The following KCNT1 variants were observed in gnomAD, a reference collection of about 807,000 sequenced individuals.
The protein encoded by KCNT1 is potassium channel subfamily T member 1.
A neutral mutation model predicts 147.8 loss-of-function variants in KCNT1; 78 were observed. The observed-to-expected ratio is 0.53, with a 90% confidence interval of 0.44 to 0.64. The LOEUF (loss-of-function observed/expected upper bound fraction) is 0.64, where lower values mean the gene tolerates loss of function less well. KCNT1 is among the 30% of genes least tolerant of loss of function. KCNT1 has a pLI of 0.00. For missense variants in KCNT1, 1,419 were observed against 1,750.3 expected, an observed-to-expected ratio of 0.81 and a Z score of 3.38; for synonymous variants, 867 against 748.8, an observed-to-expected ratio of 1.16 and a Z score of -2.58.
chr9:135,792,201 C>A lies in KCNT1; in HGVS notation c.*40C>A, dbSNP rs949340605. On this transcript the variant is annotated 3_prime_UTR_variant, in exon 31 of 31. Transcript: ENST00000371757. ...GAGCTCAGGCCACCAAGCCCGGGGT[C>A]CTCAGGAAGGACGTGGAGGAGCGTG... 1.3e-6 allele frequency: 2 copies of A among 1,588,570 alleles called. No homozygotes were observed. Among genetic ancestry groups the A allele is most frequent in the South Asian group, 1.1e-5 (1 of 89,508 alleles).
intron 21 of KCNT1, among the ~76,000 whole-genome samples, chr9:135,778,007 C>T (rs924015061): frequency 7.2e-5 from 11 of 152,152 alleles, no homozygotes; most frequent in South Asian, 2.1e-4. Context: ...CCTGTGGCTC[C>T]CAGCTCCTCC....
intron 2 of KCNT1, among the ~76,000 whole-genome samples, chr9:135,736,321 G>T (rs1588285864): frequency 1.3e-5 from 2 of 152,154 alleles, no homozygotes; most frequent in East Asian, 1.9e-4. Flanking sequence ...GCCGCCCGGG[G>T]TGGGCGCCCA....
In KCNT1 at chr9:135,772,757, C is replaced by T. The variant is rs377506738; in HGVS notation, c.2051C>T (p.Thr684Met). ...CTGCAGGGCACAGAGCACCGGCCTA[C>T]GCAGAGCGGCGGTGGGGGCGGGGGC... is the stretch of plus-strand genomic sequence containing the variant. The part of the protein sequence containing the change: ...MDLQGTEHRP[T>M]QSGGGGGGSK... Residue 684 changes from threonine to methionine, a missense_variant, in exon 19 of 31, where the codon ACG becomes ATG. Thr to Met is a moderately conservative substitution (Grantham distance 81). Around this residue, in one of 5 missense-constraint regions of KCNT1, gnomAD observed 284 missense variants for 292.8 expected, o/e 0.97. Coordinates refer to ENST00000371757, the MANE Select transcript of KCNT1 (RefSeq NM_020822.3). 9.0e-5 allele frequency: 132 copies of T among 1,471,662 alleles called. 1 individual carries two copies. The East Asian group carries it at 2.6e-3, about 29-fold the overall frequency. 91.2% of individuals were successfully genotyped at this position (1,471,662 alleles called of 1,614,324 possible).
At chr9:135,764,060 G>A (rs181135608) in intron 11 of KCNT1, among the ~76,000 whole-genome samples, 16 of 152,294 alleles carry the variant, frequency 1.1e-4, no homozygotes, top group African/African-American at 3.9e-4. Context: ...GAACAAAGCA[G>A]GCGCTGGATA....
At chr9:135,731,977 TATATATATATATATAG>T (rs1195632269) in intron 2 of KCNT1, among the ~76,000 whole-genome samples, 2 of 30,140 alleles carry the variant, frequency 6.6e-5, no homozygotes, top group African/African-American at 1.1e-4. Flanking sequence ...TATATATATA[TATATATATATATATAG>T]AGAGAGAGAG....
intron 29 of KCNT1, chr9:135,788,160 A>G: frequency 1.2e-6 from 2 of 1,612,196 alleles, no homozygotes; most frequent in Non-Finnish European, 1.7e-6. Context: ...GGATATTTGC[A>G]AGGTAATTCT....
chr9:135,791,760 T>C, intron 29 of KCNT1, 37 bp from the exon 30 acceptor site: 1 of 1,584,914 alleles, frequency 6.3e-7, no homozygotes, highest in Non-Finnish European at 8.7e-7. Flanking sequence ...GGGGCAGGGC[T>C]GGGGGGGTGA....
At chr9:135,785,409 C>T in intron 28 of KCNT1, 79 bp downstream of exon 28, 1 of 1,437,334 alleles carries the variant, frequency 7.0e-7, no homozygotes, top group Non-Finnish European at 9.3e-7. Context: ...GCCTGCCAGG[C>T]CCCACCCACC....
intron 1 of KCNT1, among the ~76,000 whole-genome samples, chr9:135,709,959 G>C (rs1835422136): frequency 6.6e-6 from 1 of 152,226 alleles, no homozygotes; most frequent in Non-Finnish European, 1.5e-5. Context: ...GGGATGACAG[G>C]CTTGAGCCAC....
At chr9:135,729,661 T>C (rs750324013) in intron 2 of KCNT1, among the ~76,000 whole-genome samples, 3 of 152,210 alleles carry the variant, frequency 2.0e-5, no homozygotes, top group Non-Finnish European at 2.9e-5. Flanking sequence ...TTCCACCGTC[T>C]GCACGTGTCC....
intron 28 of KCNT1, 61 bp from the exon 29 acceptor site, chr9:135,786,136 A>T: frequency 6.7e-7 from 1 of 1,490,374 alleles, no homozygotes; most frequent in Non-Finnish European, 9.1e-7. Flanking sequence ...CCTGCCCCAA[A>T]GCCCGCGACC....
In KCNT1 at chr9:135,757,365, C is replaced by T. The variant is rs575954363; in HGVS notation, c.743C>T (p.Ala248Val). The T allele has an allele frequency of 1.2e-5, 20 of 1,609,446 alleles. No individual in the cohort carries two copies. The highest frequency in any genetic ancestry group is 4.5e-5 in the East Asian group (2 of 44,802). Residue 248 changes from alanine to valine, a missense_variant, in exon 9 of 31, where the codon GCG (alanine) becomes GTG (valine). By Grantham distance (64) the Ala-to-Val change is moderately conservative. Coordinates refer to ENST00000371757, the MANE Select transcript of KCNT1 (RefSeq NM_020822.3). ...CTGAACTGCTGGCTGGCCAAGCACG[C>T]GCTGGAAAACATGATTGTAAGCCGG... ...VFLNCWLAKH[A>V]LENMINDFHR...
rs751274694 is a variant in KCNT1, at chr9:135,714,613, C to T, written c.147C>T (p.Thr49=). ...PCAGDGALLD[T]AGFKMSDLDS... ...CGGGGGACGGCGCGCTCCTGGACAC[C>T]GCCGGCTTCAAGATGAGCGACCTGG... The change falls in exon 2 of 31, where the codon ACC becomes ACT. Residue 49 remains threonine, a synonymous_variant. Coordinates refer to ENST00000371757, the MANE Select transcript of KCNT1 (RefSeq NM_020822.3). This position sits in a 1 kb window ranked among gnomAD's most constrained non-coding sequence, Gnocchi z 6.2. 21 of 1,448,382 alleles carry T rather than the reference C, an allele frequency of 1.4e-5. No individual in the cohort carries two copies. Among genetic ancestry groups the T allele is most frequent in the Non-Finnish European group, 1.9e-5 (21 of 1,088,014 alleles). 89.7% of individuals were successfully genotyped at this position (1,448,382 alleles called of 1,614,324 possible). A position where few individuals can be genotyped will look rare whatever the true frequency, so the allele number is the denominator to read the frequency against.
Position 135,792,858 on chromosome 9 carries a change from C to T in KCNT1, c.*697C>T, listed in dbSNP as rs1267208942. ...TCTACTTCACACTGAACTGTCCCAG[C>T]CACTGCATCTAGGGGGCATTGGGCG... On this transcript the variant is annotated 3_prime_UTR_variant, in exon 31 of 31. Coordinates refer to ENST00000371757, the MANE Select transcript of KCNT1 (RefSeq NM_020822.3). The T allele has an allele frequency of 6.6e-6, 1 of 152,236 alleles. No homozygotes were observed. Among genetic ancestry groups the T allele is most frequent in the Non-Finnish European group, 1.5e-5 (1 of 68,056 alleles). 9.4% of individuals were successfully genotyped at this position (152,236 alleles called of 1,614,324 possible). A position where few individuals can be genotyped will look rare whatever the true frequency, so the allele number is the denominator to read the frequency against.
intron 2 of KCNT1, among the ~76,000 whole-genome samples, chr9:135,719,623 G>A (rs1226154339): frequency 6.6e-6 from 1 of 152,188 alleles, no homozygotes; most frequent in East Asian, 1.9e-4. Context: ...CGTCAGGGTC[G>A]CCAACACTCC....
In KCNT1 at chr9:135,793,938, T is replaced by TGCCCCGCAGTCACCCC. The variant is rs967272417; in HGVS notation, c.*1789_*1804dup. 2 of 150,484 alleles carry TGCCCCGCAGTCACCCC rather than the reference T, an allele frequency of 1.3e-5. No individual in the cohort carries two copies. The highest frequency in any genetic ancestry group is 2.5e-5 in the African/African-American group (1 of 39,440). The allele number at this position is 150,484 out of a possible 1,614,324, so 9.3% of individuals were successfully genotyped here. On this transcript the variant is annotated 3_prime_UTR_variant, in exon 31 of 31. Coordinates refer to ENST00000371757, the MANE Select transcript of KCNT1 (RefSeq NM_020822.3). Reference sequence around the variant, plus strand: ...TGGGATCCAAGCAGCGAGCACGCCCTGCCCCGCAGTCACCCCGCCCCGCAG... The same window carrying TGCCCCGCAGTCACCCC: ...TGGGATCCAAGCAGCGAGCACGCCCTGCCCCGCAGTCACCCCGCCCCGCAGTCACCCCGCCCCGCAG...
At chr9:135,719,510 G>C (rs1349137977) in intron 2 of KCNT1, among the ~76,000 whole-genome samples, 1 of 152,148 alleles carries the variant, frequency 6.6e-6, no homozygotes, top group Non-Finnish European at 1.5e-5. Flanking sequence ...GCAGATTCCA[G>C]ACAAGGAGTC....
chr9:135,737,475 G>C (rs901987354), intron 2 of KCNT1, among the ~76,000 whole-genome samples: 1 of 152,294 alleles, frequency 6.6e-6, no homozygotes, highest in African/African-American at 2.4e-5. Context: ...TAGATGCTGC[G>C]GGGGAAATGA....
intron 2 of KCNT1, among the ~76,000 whole-genome samples, chr9:135,737,448 C>T (rs541410612): frequency 5.9e-5 from 9 of 152,180 alleles, no homozygotes; most frequent in Non-Finnish European, 1.0e-4. Context: ...GCACCTTTCC[C>T]GTGCCAGGAG....
Sources: allele counts gnomAD v4.1 joint callset (sites outside exome capture counted in the v4.1 genomes callset), GRCh38; gene constraint gnomAD v4.1.1; regional missense constraint gnomAD v4.1.1; non-coding constraint Gnocchi (gnomAD v3.1); transcripts MANE v1.5; gene names NCBI Gene and HGNC (gene_info 2026-07-23, HGNC 2026-07-21).